F13A1: variants seen among roughly 807,000 people sequenced by gnomAD.
F13A1 encodes the protein coagulation factor XIII A chain.
F13A1 carries 47 observed loss-of-function variants against 80.1 expected under a neutral mutation model. The observed-to-expected ratio is 0.59, with a 90% CI of 0.46 to 0.75. The LOEUF is 0.75. Ranked by LOEUF, F13A1 falls within the 30% of genes least tolerant of loss-of-function variation. The probability of loss-of-function intolerance (pLI) is 0.00; values close to 1 mark genes in which losing one functional copy is unlikely to be tolerated. For missense variants in F13A1, 817 were observed against 930.4 expected, an observed-to-expected ratio of 0.88 and a Z score of 1.59; for synonymous variants, 349 against 344.9, an observed-to-expected ratio of 1.01 and a Z score of -0.13.
At chr6:6,158,346 T>C (rs145562031) in intron 13 of F13A1, among the ~76,000 whole-genome samples, 8 of 152,286 alleles carry the variant, frequency 5.3e-5, no homozygotes, top group African/African-American at 1.4e-4. Flanking sequence ...GTCGCTTGAC[T>C]TCTCTGGGCC....
intron 7 of F13A1, among the ~76,000 whole-genome samples, chr6:6,223,999 G>C (rs776177316): frequency 2.0e-5 from 3 of 152,066 alleles, no homozygotes; most frequent in Non-Finnish European, 4.4e-5. Flanking sequence ...ATATCGTCTG[G>C]GTCTAGAGAG....
chr6:6,181,439 C>T (rs1760984434), intron 11 of F13A1, among the ~76,000 whole-genome samples: 1 of 152,122 alleles, frequency 6.6e-6, no homozygotes, highest in Admixed American at 6.5e-5. Flanking sequence ...TAAAAGTTAA[C>T]AAAAACCCAC....
intron 3 of F13A1, among the ~76,000 whole-genome samples, chr6:6,287,313 T>TC (rs1420840147): frequency 2.0e-5 from 3 of 152,220 alleles, no homozygotes; most frequent in Non-Finnish European, 2.9e-5. Context: ...CCACAGTCCG[T>TC]CCTCCCTGAG....
chr6:6,224,220 A>G (rs911810417), intron 7 of F13A1, among the ~76,000 whole-genome samples: 8 of 152,344 alleles, frequency 5.3e-5, no homozygotes, highest in African/African-American at 1.9e-4. Context: ...AATACCTTCC[A>G]TAACTGGGAT....
chr6:6,167,331 T>A (rs1760692424), intron 13 of F13A1, 127 bp downstream of exon 13: 2 of 124,588 alleles, frequency 1.6e-5, no homozygotes, highest in Non-Finnish European at 2.5e-5. Flanking sequence ...TGGTATTTTT[T>A]TTTTTTTTTT....
intron 8 of F13A1, chr6:6,206,708 T>G (rs1041452915): frequency 1.6e-5 from 6 of 385,508 alleles, no homozygotes; most frequent in African/African-American, 1.3e-4. Context: ...TTCATTAGGC[T>G]GAAACTAAAT....
chr6:6,262,864 A>C lies in F13A1; in HGVS notation c.571+3694T>G, dbSNP rs577852227. On this transcript the variant is annotated intron_variant, in intron 4 of 14. Transcript: ENST00000264870. ...AGGCCCTTCTTCACCTGTTCCCTGG[A>C]TTCCAACCACTCAAGGATTTCACTC... is the stretch of plus-strand genomic sequence containing the variant. Among the ~76,000 whole-genome samples, 26 of 152,260 alleles carry C rather than the reference A, an allele frequency of 1.7e-4. No homozygotes were observed. The South Asian group carries it at 1.9e-3, about 11-fold the overall frequency.
intron 8 of F13A1, among the ~76,000 whole-genome samples, chr6:6,215,932 A>G (rs1447062122): frequency 7.5e-6 from 1 of 133,712 alleles, no homozygotes; most frequent in South Asian, 2.8e-4. Flanking sequence ...CACAATTGCT[A>G]AAAAGAGAAT....
chr6:6,223,210 CTG>C (rs1278593217), intron 7 of F13A1, among the ~76,000 whole-genome samples: 4 of 152,226 alleles, frequency 2.6e-5, no homozygotes, highest in Admixed American at 2.0e-4. Context: ...GACTTCCCCA[CTG>C]TGTGTTTCTG....
At chr6:6,199,161 T>A (rs999799880) in intron 8 of F13A1, among the ~76,000 whole-genome samples, 4 of 152,182 alleles carry the variant, frequency 2.6e-5, no homozygotes, top group Non-Finnish European at 5.9e-5. Flanking sequence ...CCCTCATGGA[T>A]GTTAACACAT....
chr6:6,273,904 C>T (rs1757953542), intron 3 of F13A1, among the ~76,000 whole-genome samples: 1 of 152,006 alleles, frequency 6.6e-6, no homozygotes, highest in Non-Finnish European at 1.5e-5. Context: ...ATGCCACCAC[C>T]AAAAAAGAAA....
intron 10 of F13A1, among the ~76,000 whole-genome samples, chr6:6,186,923 T>C (rs1272780): frequency 1.4e-5 from 2 of 140,614 alleles, no homozygotes; most frequent in African/African-American, 2.7e-5. Flanking sequence ...GTAGTTCTCC[T>C]TGAAGAGGTC....
intron 8 of F13A1, among the ~76,000 whole-genome samples, chr6:6,216,175 A>T (rs2113046238): frequency 6.6e-6 from 1 of 152,220 alleles, no homozygotes; most frequent in Admixed American, 6.5e-5. Context: ...GGAAAAAACT[A>T]CCTGAAAGTT....
intron 2 of F13A1, 61 bp downstream of exon 2, chr6:6,318,474 A>T: frequency 6.4e-7 from 1 of 1,553,800 alleles, no homozygotes; most frequent in Non-Finnish European, 8.7e-7. Context: ...TGCAGGGAAG[A>T]GGGGCCAGGG....
chr6:6,247,675 A>G (rs1193158044), intron 6 of F13A1, among the ~76,000 whole-genome samples: 1 of 152,204 alleles, frequency 6.6e-6, no homozygotes, highest in African/African-American at 2.4e-5. Context: ...AAAAGTAGAA[A>G]ATGTCTAGAT....
chr6:6,150,913 G>T (rs1403980460), intron 14 of F13A1, among the ~76,000 whole-genome samples: 1 of 152,136 alleles, frequency 6.6e-6, no homozygotes, highest in South Asian at 2.1e-4. Context: ...ACAGATATTT[G>T]TCCCCAGGTA....
chr6:6,270,476 T>C (rs1197610161), intron 3 of F13A1, among the ~76,000 whole-genome samples: 1 of 152,242 alleles, frequency 6.6e-6, no homozygotes, highest in Non-Finnish European at 1.5e-5. Flanking sequence ...ATTTTAAGAT[T>C]GCAAAAGTTG....
intron 2 of F13A1, among the ~76,000 whole-genome samples, chr6:6,308,916 A>C (rs1758552304): frequency 6.6e-6 from 1 of 152,132 alleles, no homozygotes; most frequent in Non-Finnish European, 1.5e-5. Context: ...TTCTAGCAAC[A>C]ATGGATCAAA....
chr6:6,254,844 C>A (rs762584148), intron 4 of F13A1, among the ~76,000 whole-genome samples: 1 of 151,942 alleles, frequency 6.6e-6, no homozygotes, highest in Non-Finnish European at 1.5e-5. Context: ...GATCTTTGAG[C>A]TCTTTTTATG....
Sources: allele counts gnomAD v4.1 joint callset (sites outside exome capture counted in the v4.1 genomes callset), GRCh38; gene constraint gnomAD v4.1.1; transcripts MANE v1.5; gene names NCBI Gene and HGNC (gene_info 2026-07-23, HGNC 2026-07-21).